SHCBP1: variants seen among roughly 807,000 people sequenced by gnomAD.
SHCBP1 encodes the protein SHC SH2 domain-binding protein 1.
In SHCBP1, 60 loss-of-function variants were observed where a neutral mutation model predicts 75.1. The ratio of observed to expected loss-of-function variants is 0.80; its 90% confidence interval spans 0.65 to 0.99. The LOEUF (loss-of-function observed/expected upper bound fraction) is 0.99, where lower values mean the gene tolerates loss of function less well. Among genes scored for constraint, SHCBP1 ranks in the 50% least tolerant of loss-of-function variants. The pLI, the probability that SHCBP1 is intolerant of heterozygous loss-of-function variation, is 0.00. For missense variants in SHCBP1, 709 were observed against 809.4 expected, an observed-to-expected ratio of 0.88 and a Z score of 1.50; for synonymous variants, 290 against 293.2, an observed-to-expected ratio of 0.99 and a Z score of 0.11.
chr16:46,609,234 A>C (rs1160140161), intron 4 of SHCBP1, among the ~76,000 whole-genome samples: 1 of 152,122 alleles, frequency 6.6e-6, no homozygotes, highest in Non-Finnish European at 1.5e-5. Flanking sequence ...AAGCCAAGGC[A>C]CAAGAATCGC....
At chr16:46,589,852 A>C (rs9673832) in intron 10 of SHCBP1, among the ~76,000 whole-genome samples, 1 of 152,190 alleles carries the variant, frequency 6.6e-6, no homozygotes, top group African/African-American at 2.4e-5. Flanking sequence ...AAAAGAGCCC[A>C]CATCGCCAAG....
At chr16:46,589,216 T>C (rs1965000482) in intron 10 of SHCBP1, among the ~76,000 whole-genome samples, 1 of 152,188 alleles carries the variant, frequency 6.6e-6, no homozygotes, top group East Asian at 1.9e-4. Context: ...GCCAATATCA[T>C]AATCAATGGG....
rs550879698 is a variant in SHCBP1 at position 46,598,539 on chromosome 16, C to A, written c.1345+1292G>T. Reference sequence around the variant, plus strand: ...AACCACATTATAAACAGATGTGCTACCATTCAGGCTTTGTTGTTCCATTTC... The same window carrying A: ...AACCACATTATAAACAGATGTGCTAACATTCAGGCTTTGTTGTTCCATTTC... On this transcript the variant is annotated intron_variant, in intron 9 of 12. Transcript: ENST00000303383. 2.8e-4 allele frequency among the ~76,000 whole-genome samples: 43 copies of A among 152,222 alleles called. 1 individual carries two copies. Among genetic ancestry groups the A allele is most frequent in the African/African-American group, 1.0e-3 (42 of 41,544 alleles).
At chr16:46,595,757 G>A in intron 9 of SHCBP1, 87 bp from the exon 10 acceptor site, 1 of 827,352 alleles carries the variant, frequency 1.2e-6, no homozygotes, top group Non-Finnish European at 1.9e-6. Context: ...ATTAGCTATG[G>A]TCTAAATATT....
chr16:46,617,864 T>C, intron 2 of SHCBP1, 115 bp from the exon 3 acceptor site: 1 of 820,824 alleles, frequency 1.2e-6, no homozygotes. Context: ...GATAATCTAC[T>C]TGCAAACTAA....
In SHCBP1 at chr16:46,581,642, C is replaced by T; in HGVS notation, c.*87G>A. The T allele has an allele frequency of 1.7e-6, 2 of 1,209,448 alleles. No homozygotes were observed. Among genetic ancestry groups the T allele is most frequent in the Admixed American group, 4.3e-5 (2 of 46,492 alleles). 74.9% of individuals were successfully genotyped at this position (1,209,448 alleles called of 1,614,324 possible). A position where few individuals can be genotyped will look rare whatever the true frequency, so the allele number is the denominator to read the frequency against. ...CAAATAATCAAATATAAAATACAGACAATACAGCAAACTACAATGGCAGCA... is the reference window on the plus strand; with the variant it reads ...CAAATAATCAAATATAAAATACAGATAATACAGCAAACTACAATGGCAGCA... On this transcript the variant is annotated 3_prime_UTR_variant, in exon 13 of 13. Coordinates refer to ENST00000303383, the MANE Select transcript of SHCBP1 (RefSeq NM_024745.5).
Position 46,617,660 on chromosome 16 carries a change from T to G in SHCBP1, c.361A>C (p.Thr121Pro). ...EPSGWRAVWH[T>P]NVFKVLVEIT... Reference sequence around the variant, plus strand: ...TCAACCAGCACCTTGAACACATTAGTGTGCCAGACTGCCCGCCATCCAGAT... The same window carrying G: ...TCAACCAGCACCTTGAACACATTAGGGTGCCAGACTGCCCGCCATCCAGAT... Residue 121 changes from threonine (T) to proline (P), a missense_variant, in exon 3 of 13, where the codon ACT (threonine) becomes CCT (proline). Thr to Pro is a conservative substitution (Grantham distance 38). Coordinates refer to ENST00000303383, the MANE Select transcript of SHCBP1 (RefSeq NM_024745.5). 6.2e-7 allele frequency: 1 copy of G among 1,613,884 alleles called. No homozygotes were observed. Among genetic ancestry groups the G allele is most frequent in the Non-Finnish European group, 8.5e-7 (1 of 1,180,026 alleles).
chr16:46,615,943 T>C lies in SHCBP1; in HGVS notation c.596+3A>G, dbSNP rs748916605. The C allele has an allele frequency of 2.5e-6, 4 of 1,614,078 alleles. No individual in the cohort carries two copies. The highest frequency in any genetic ancestry group is 1.3e-5 in the African/African-American group (1 of 75,060). ...GGTTATTTTTCTCAACTTCTTTTCC[T>C]ACCTGACATGCTCAATTGCAAGGGC... On this transcript the variant is annotated splice_donor_region_variant and intron_variant, in intron 4 of 12. Coordinates refer to ENST00000303383, the MANE Select transcript of SHCBP1 (RefSeq NM_024745.5).
At position 46,582,031 on chromosome 16, in the gene SHCBP1, T is replaced by C; in HGVS notation, c.1717A>G (p.Thr573Ala). 1 of 1,606,544 alleles carries C rather than the reference T, an allele frequency of 6.2e-7. No homozygotes were observed. The highest frequency in any genetic ancestry group is 8.5e-7 in the Non-Finnish European group (1 of 1,176,900). ...TCAGCCACATCTGGCTCTCCACTTG[T>C]CTGAATTTTAAGCGCTTTATTTTCT... is the stretch of plus-strand genomic sequence containing the variant. ...TEENKALKIQ[T>A]SGEPDVAERV... The change falls in exon 13 of 13, where the codon ACA (threonine) becomes GCA (alanine). Residue 573 changes from threonine to alanine, a missense_variant. By Grantham distance (58) the Thr-to-Ala change is moderately conservative. Coordinates refer to ENST00000303383, the MANE Select transcript of SHCBP1 (RefSeq NM_024745.5).
At chr16:46,586,487 A>G (rs1964956400) in intron 10 of SHCBP1, among the ~76,000 whole-genome samples, 1 of 152,154 alleles carries the variant, frequency 6.6e-6, no homozygotes, top group Non-Finnish European at 1.5e-5. Context: ...AAAAGATCCA[A>G]TATTCATGTC....
chr16:46,581,680 G>C lies in SHCBP1; in HGVS notation c.*49C>G, dbSNP rs1279848469. The C allele has an allele frequency of 6.7e-7, 1 of 1,500,152 alleles. No individual in the cohort carries two copies. Among genetic ancestry groups the C allele is most frequent in the Non-Finnish European group, 9.1e-7 (1 of 1,093,658 alleles). 92.9% of individuals were successfully genotyped at this position (1,500,152 alleles called of 1,614,324 possible). ...TACAATGGCAGCAGTGATTCTTAGGGCAGCATGTGCAAAATCCAGTATTTT... is the reference window on the plus strand; with the variant it reads ...TACAATGGCAGCAGTGATTCTTAGGCCAGCATGTGCAAAATCCAGTATTTT... On this transcript the variant is annotated 3_prime_UTR_variant, in exon 13 of 13. Transcript: ENST00000303383.
rs1358776281 is a variant in SHCBP1, at chr16:46,581,057, C to T, written c.*672G>A. 1 of 152,244 alleles carries T rather than the reference C, an allele frequency of 6.6e-6. No homozygotes were observed. The highest frequency in any genetic ancestry group is 1.5e-5 in the Non-Finnish European group (1 of 68,094). 9.4% of individuals were successfully genotyped at this position (152,244 alleles called of 1,614,324 possible). On this transcript the variant is annotated 3_prime_UTR_variant, in exon 13 of 13. Transcript: ENST00000303383. ...AGCCACCGCCTGGCCCGAAAAATAC[C>T]TTGTTTTTAATCATTCCCATTCAGC...
At position 46,581,324 on chromosome 16, in the gene SHCBP1, G is replaced by C. The variant is rs139628455; in HGVS notation, c.*405C>G. On this transcript the variant is annotated 3_prime_UTR_variant, in exon 13 of 13. Transcript: ENST00000303383. Reference sequence around the variant, plus strand: ...AAATCAGACTCACTGTAATTGGGATGAAAAGGCAACTCTAAGAAGAATGCT... The same window carrying C: ...AAATCAGACTCACTGTAATTGGGATCAAAAGGCAACTCTAAGAAGAATGCT... The C allele has an allele frequency of 6.2e-6, 1 of 160,936 alleles. No homozygotes were observed. The highest frequency in any genetic ancestry group is 2.4e-5 in the African/African-American group (1 of 41,780). The allele number at this position is 160,936 out of a possible 1,614,324, so 10.0% of individuals were successfully genotyped here.
At position 46,604,084 on chromosome 16, in the gene SHCBP1, C is replaced by A. The variant is rs1965287017; in HGVS notation, c.983G>T (p.Gly328Val). 1 of 1,614,206 alleles carries A rather than the reference C, an allele frequency of 6.2e-7. No homozygotes were observed. Among genetic ancestry groups the A allele is most frequent in the African/African-American group, 1.3e-5 (1 of 75,048 alleles). The change falls in exon 7 of 13, where the codon GGT (glycine) becomes GTT (valine). Residue 328 changes from glycine to valine, a missense_variant. By Grantham distance (109) the Gly-to-Val change is moderately radical. Coordinates refer to ENST00000303383, the MANE Select transcript of SHCBP1 (RefSeq NM_024745.5). ...NIQAKGVRSS[G>V]QKITHVVSST... ...GGAGACCACATGAGTGATCTTCTGA[C>A]CGCTGGAACGGACACCCTTTGCTTG...
Position 46,579,645 on chromosome 16 carries a change from C to CA in SHCBP1, c.*2083dup, listed in dbSNP as rs1372734106. ...TGAAACCCCATATCTACTAAAAATA[C>CA]AAAAAAAAGGCCAGGCACGTGGCTC... On this transcript the variant is annotated 3_prime_UTR_variant, in exon 13 of 13. Transcript: ENST00000303383. Among the ~76,000 whole-genome samples the CA allele has an allele frequency of 7.3e-5, 11 of 151,080 alleles. No homozygotes were observed. Among genetic ancestry groups the CA allele is most frequent in the Middle Eastern group, 3.5e-3 (1 of 288 alleles).
chr16:46,614,970 A>C (rs1041306748), intron 4 of SHCBP1, among the ~76,000 whole-genome samples: 1 of 152,160 alleles, frequency 6.6e-6, no homozygotes, highest in African/African-American at 2.4e-5. Context: ...GATAATTTAC[A>C]CTGAGTGTGC....
At chr16:46,608,153 T>G in intron 5 of SHCBP1, 144 bp downstream of exon 5, 425 of 592,594 alleles carry the variant, frequency 7.2e-4, no homozygotes, top group East Asian at 1.3e-3. Flanking sequence ...TTTCTGTCTA[T>G]GAGATCCTGG....
intron 10 of SHCBP1, among the ~76,000 whole-genome samples, chr16:46,593,916 A>C (rs575169095): frequency 5.9e-5 from 9 of 152,198 alleles, no homozygotes; most frequent in Non-Finnish European, 1.3e-4. Context: ...ATTTGTATTG[A>C]AAAGCAAAGG....
chr16:46,581,841 A>G lies in SHCBP1; in HGVS notation c.1907T>C (p.Leu636Pro). The change falls in exon 13 of 13, where the codon CTG (leucine) becomes CCG (proline). Residue 636 changes from leucine (L) to proline (P), a missense_variant. Physicochemically the swap from Leu to Pro is moderately conservative, Grantham distance 98. Coordinates refer to ENST00000303383, the MANE Select transcript of SHCBP1 (RefSeq NM_024745.5). ...GQIKKKRLSE[L>P]GITQADDNLM... ...GTTGTCATCAGCTTGCGTGATCCCC[A>G]GTTCACTCAACCTTTTCTTCTTTAT... 2 of 1,614,152 alleles carry G rather than the reference A, an allele frequency of 1.2e-6. No homozygotes were observed. The highest frequency in any genetic ancestry group is 1.7e-6 in the Non-Finnish European group (2 of 1,180,030).
Sources: allele counts gnomAD v4.1 joint callset (sites outside exome capture counted in the v4.1 genomes callset), GRCh38; gene constraint gnomAD v4.1.1; transcripts MANE v1.5; gene names NCBI Gene and HGNC (gene_info 2026-07-23, HGNC 2026-07-21).